Variants in SHROOM4 observed in about 807,000 individuals in gnomAD.
SHROOM4 encodes the protein protein Shroom4.
SHROOM4 carries 17 observed loss-of-function variants against 80.3 expected under a neutral mutation model. The observed-to-expected ratio is 0.21, with a 90% CI of 0.14 to 0.32. The LOEUF is 0.32. Among genes scored for constraint, SHROOM4 ranks in the 10% least tolerant of loss-of-function variants. The pLI, the probability that SHROOM4 is intolerant of heterozygous loss-of-function variation, is 1.00. For missense variants in SHROOM4, 993 were observed against 1,140.3 expected, an observed-to-expected ratio of 0.87 and a Z score of 1.86; for synonymous variants, 400 against 437.5, an observed-to-expected ratio of 0.91 and a Z score of 1.07.
intron 2 of SHROOM4, among the ~76,000 whole-genome samples, chrX:50,679,249 T>C (rs1932895861): frequency 9.0e-6 from 1 of 111,094 alleles, no homozygotes; most frequent in African/African-American, 3.3e-5. Context: ...AGAAAAGAAC[T>C]TCCTCTTCTT....
At position 50,634,960 on chromosome X, in the gene SHROOM4, T is replaced by C. The variant is rs1557255537; in HGVS notation, c.1113A>G (p.Lys371=). 2 of 1,210,238 alleles carry C rather than the reference T, an allele frequency of 1.7e-6. No individual in the cohort carries two copies. Among genetic ancestry groups the C allele is most frequent in the Admixed American group, 4.4e-5 (2 of 45,875 alleles). ...CCACGCTGGAAGCTCTGTCACAGGC[T>C]TTTGGGGATCCAACAGCTTTGGTTG... The part of the protein sequence containing the change: ...QASTKAVGSP[K]ACDRASSVDS... Residue 371 remains lysine, a synonymous_variant, in exon 4 of 9, where the codon AAA becomes AAG. Transcript: ENST00000376020.
intron 1 of SHROOM4, among the ~76,000 whole-genome samples, chrX:50,795,091 A>G (rs1325396828): frequency 3.5e-5 from 2 of 57,425 alleles, no homozygotes; most frequent in East Asian, 4.5e-4. Flanking sequence ...TATATATGAT[A>G]TATATATATG....
At position 50,782,971 on chromosome X, in the gene SHROOM4, G is replaced by A. The variant is rs887768917; in HGVS notation, c.117+30931C>T. Among the ~76,000 whole-genome samples, 5 of 111,453 alleles carry A rather than the reference G, an allele frequency of 4.5e-5. No homozygotes were observed. The South Asian group carries it at 1.9e-3, about 42-fold the overall frequency. The stretch of plus-strand genomic sequence containing the variant: ...TGCCCATAAATAACAATACTATATT[G>A]TACATTTAAAAATCTGTTAAGTGAA... On this transcript the variant is annotated intron_variant, in intron 1 of 8. Coordinates refer to ENST00000376020, the MANE Select transcript of SHROOM4 (RefSeq NM_020717.5).
chrX:50,730,670 G>A (rs1934347544), intron 1 of SHROOM4, among the ~76,000 whole-genome samples: 1 of 109,190 alleles, frequency 9.2e-6, no homozygotes, highest in Non-Finnish European at 1.9e-5. Context: ...AGCCACTCTG[G>A]AGGCTGAGGC....
In SHROOM4 at chrX:50,674,499, G is replaced by T. The variant is rs151023231; in HGVS notation, c.269+21287C>A. On this transcript the variant is annotated intron_variant, in intron 2 of 8. Transcript: ENST00000376020. The stretch of plus-strand genomic sequence containing the variant: ...AAAGATAGCCTTTTCAACATATGGT[G>T]CTGTAACAATGAGACAACAACAGGC... Among the ~76,000 whole-genome samples, 826 of 111,510 alleles carry T rather than the reference G, an allele frequency of 7.4e-3. 3 individuals carry two copies. The highest frequency in any genetic ancestry group is 0.026 in the African/African-American group (787 of 30,722).
intron 3 of SHROOM4, among the ~76,000 whole-genome samples, chrX:50,637,943 A>C (rs1409795397): frequency 8.9e-6 from 1 of 112,049 alleles, no homozygotes; most frequent in Non-Finnish European, 1.9e-5. Flanking sequence ...GGTGTCTTGT[A>C]AGCCCAATGA....
At chrX:50,655,359 T>A (rs1471612858) in intron 2 of SHROOM4, among the ~76,000 whole-genome samples, 1 of 109,418 alleles carries the variant, frequency 9.1e-6, no homozygotes, top group Non-Finnish European at 1.9e-5. Flanking sequence ...ACATATGAGA[T>A]CATGTGGTAT....
At chrX:50,758,304 AAAG>A (rs1404953215) in intron 1 of SHROOM4, among the ~76,000 whole-genome samples, 3 of 112,096 alleles carry the variant, frequency 2.7e-5, no homozygotes, top group Non-Finnish European at 5.6e-5. Context: ...TCTTAAAGCA[AAAG>A]AATTCAGTCT....
intron 1 of SHROOM4, among the ~76,000 whole-genome samples, chrX:50,782,844 CAG>C (rs782717550): frequency 9.0e-6 from 1 of 111,438 alleles, no homozygotes; most frequent in African/African-American, 3.3e-5. Context: ...TGGTGACTGT[CAG>C]GGGCTGGGAA....
rs782457599 is a variant in SHROOM4 at position 50,770,934 on chromosome X, T to C, written c.117+42968A>G. On this transcript the variant is annotated intron_variant, in intron 1 of 8. Coordinates refer to ENST00000376020, the MANE Select transcript of SHROOM4 (RefSeq NM_020717.5). ...TGAGGAGATCCAGATTCAAGACTTCTCAACACACACTTCCCCCTACTCAAC... is the reference window on the plus strand; with the variant it reads ...TGAGGAGATCCAGATTCAAGACTTCCCAACACACACTTCCCCCTACTCAAC... Among the ~76,000 whole-genome samples, 7 of 111,561 alleles carry C rather than the reference T, an allele frequency of 6.3e-5. No homozygotes were observed. The East Asian group carries it at 1.7e-3, about 27-fold the overall frequency.
intron 2 of SHROOM4, among the ~76,000 whole-genome samples, chrX:50,664,879 C>A (rs891510174): frequency 9.1e-6 from 1 of 109,303 alleles, no homozygotes; most frequent in Non-Finnish European, 1.9e-5. Context: ...TGTTCTCCAG[C>A]AATACTTGGT....
chrX:50,706,045 C>A (rs1307544205), intron 1 of SHROOM4, among the ~76,000 whole-genome samples: 3 of 104,093 alleles, frequency 2.9e-5, no homozygotes, highest in Non-Finnish European at 5.9e-5. Context: ...CACGTCATAC[C>A]AAACTTTCTG....
intron 1 of SHROOM4, among the ~76,000 whole-genome samples, chrX:50,740,581 A>G (rs1163318953): frequency 8.9e-6 from 1 of 111,821 alleles, no homozygotes; most frequent in African/African-American, 3.2e-5. Context: ...CTTGAACAAC[A>G]GTCTTGACTT....
chrX:50,636,699 C>T (rs1003476831), intron 3 of SHROOM4, among the ~76,000 whole-genome samples: 11 of 110,778 alleles, frequency 9.9e-5, no homozygotes, highest in African/African-American at 3.6e-4. Flanking sequence ...TTGTTCCCAT[C>T]TTTATGGGAC....
intron 1 of SHROOM4, among the ~76,000 whole-genome samples, chrX:50,714,030 A>G (rs1377697955): frequency 8.9e-6 from 1 of 111,832 alleles, no homozygotes; most frequent in African/African-American, 3.2e-5. Flanking sequence ...ATTCTTCTGC[A>G]TATGCTTATT....
intron 4 of SHROOM4, among the ~76,000 whole-genome samples, chrX:50,628,500 G>A (rs1483124512): frequency 9.0e-6 from 1 of 111,455 alleles, no homozygotes; most frequent in Non-Finnish European, 1.9e-5. Context: ...TCAGAGTTTA[G>A]TTCAATGGGA....
At chrX:50,765,126 C>A (rs1225027677) in intron 1 of SHROOM4, among the ~76,000 whole-genome samples, 1 of 111,672 alleles carries the variant, frequency 9.0e-6, no homozygotes, top group African/African-American at 3.3e-5. Flanking sequence ...ATGGGAGCTA[C>A]AATTTAAGAT....
At chrX:50,746,391 T>A (rs1934773746) in intron 1 of SHROOM4, among the ~76,000 whole-genome samples, 1 of 111,873 alleles carries the variant, frequency 8.9e-6, no homozygotes, top group African/African-American at 3.3e-5. Context: ...TCTTTTCTTA[T>A]GAGCAGAACA....
At chrX:50,727,844 T>C (rs1934275515) in intron 1 of SHROOM4, among the ~76,000 whole-genome samples, 1 of 112,223 alleles carries the variant, frequency 8.9e-6, no homozygotes, top group Non-Finnish European at 1.9e-5. Context: ...CAGGCCGCTC[T>C]TGCTACATTC....
Sources: allele counts gnomAD v4.1 joint callset (sites outside exome capture counted in the v4.1 genomes callset), GRCh38; gene constraint gnomAD v4.1.1; transcripts MANE v1.5; gene names NCBI Gene and HGNC (gene_info 2026-07-23, HGNC 2026-07-21).